The following DARS1 variants were observed in gnomAD, a reference collection of about 807,000 sequenced individuals.
DARS1 encodes aspartyl-tRNA synthetase 1.
DARS1 carries 51 observed loss-of-function variants against 68.8 expected under a neutral mutation model. The ratio of observed to expected loss-of-function variants is 0.74; its 90% confidence interval spans 0.59 to 0.94. DARS1 has a LOEUF of 0.94. Ranked by LOEUF, DARS1 falls within the 40% of genes least tolerant of loss-of-function variation. The pLI, the probability that DARS1 is intolerant of heterozygous loss-of-function variation, is 0.00. For missense variants in DARS1, 607 were observed against 597.3 expected (o/e 1.02, Z -0.17); for synonymous variants, 203 against 190.4 (o/e 1.07, Z -0.55).
In DARS1 at chr2:135,907,405, A is replaced by G. The variant is rs76296777; in HGVS notation, c.1417T>C (p.Leu473=). ...APPHAGGGIG[L]ERVTMLFLGL... ...AGAAACAGCATAGTAACTCGTTCCA[A>G]TCCTGGGGAAGACAAAAATAATCAT... The change falls in exon 16 of 16, where the codon TTG becomes CTG. Residue 473 remains leucine (L), a splice_region_variant and synonymous_variant. Coordinates refer to ENST00000264161, the MANE Select transcript of DARS1 (RefSeq NM_001349.4). 12,839 of 1,608,994 alleles carry G rather than the reference A, an allele frequency of 8.0e-3. 270 individuals are homozygous for G. Among genetic ancestry groups the G allele is most frequent in the African/African-American group, 0.067 (4,999 of 74,704 alleles).
rs869183598 is a variant in DARS1, at chr2:135,907,238, C to CTTTTTTTT, written c.*77_*78insAAAAAAAA. 3.2e-4 allele frequency: 231 copies of CTTTTTTTT among 725,284 alleles called. No homozygotes were observed. Among genetic ancestry groups the CTTTTTTTT allele is most frequent in the South Asian group, 1.6e-3 (76 of 47,046 alleles). 44.9% of individuals were successfully genotyped at this position (725,284 alleles called of 1,614,324 possible). On this transcript the variant is annotated 3_prime_UTR_variant, in exon 16 of 16. Coordinates refer to ENST00000264161, the MANE Select transcript of DARS1 (RefSeq NM_001349.4). Reference sequence around the variant, plus strand: ...AGGTTACTGAAAAGAATAAGTGTGGCTTTCTTTTTTTTTTTTTTTTTTTGA... The same window carrying CTTTTTTTT: ...AGGTTACTGAAAAGAATAAGTGTGGCTTTTTTTTTTTCTTTTTTTTTTTTTTTTTTTGA...
At position 135,911,368 on chromosome 2, in the gene DARS1, TTTAAG is replaced by T. The variant is rs749258701; in HGVS notation, c.1342+9_1342+13del. The T allele has an allele frequency of 2.9e-5, 26 of 889,318 alleles. No individual in the cohort carries two copies. Among genetic ancestry groups the T allele is most frequent in the Non-Finnish European group, 4.6e-5 (24 of 522,146 alleles). The allele number at this position is 889,318 out of a possible 1,614,324, so 55.1% of individuals were successfully genotyped here. Reference sequence around the variant, plus strand: ...CAGAATATACACTCCCCTAAATTATTTTAAGTTGTTTACCAATTCCATGATGTAAA... The same window carrying T: ...CAGAATATACACTCCCCTAAATTATTTTGTTTACCAATTCCATGATGTAAA... On this transcript the variant is annotated intron_variant, in intron 14 of 15. Transcript: ENST00000264161.
At chr2:135,983,168 A>G (rs190232489) in intron 2 of DARS1, among the ~76,000 whole-genome samples, 37 of 152,332 alleles carry the variant, frequency 2.4e-4, no homozygotes, top group African/African-American at 8.4e-4. Flanking sequence ...TTTAAAACAT[A>G]CCATTTAACC....
At chr2:135,971,816 AAG>A (rs1396367523) in intron 3 of DARS1, among the ~76,000 whole-genome samples, 1 of 152,142 alleles carries the variant, frequency 6.6e-6, no homozygotes, top group Non-Finnish European at 1.5e-5. Flanking sequence ...CAATGTGAAA[AAG>A]AAATAAAAAA....
chr2:135,967,367 G>A (rs1575404943), intron 3 of DARS1, among the ~76,000 whole-genome samples: 2 of 152,296 alleles, frequency 1.3e-5, no homozygotes, highest in East Asian at 3.9e-4. Flanking sequence ...GAATAGTGCT[G>A]AAATAATTAT....
intron 1 of DARS1, 123 bp from the exon 2 acceptor site, chr2:135,983,577 G>A (rs1481910947): frequency 1.9e-6 from 1 of 538,564 alleles, no homozygotes; most frequent in East Asian, 3.2e-5. Flanking sequence ...TATTAATTCA[G>A]AAAGTCAGTA....
chr2:135,952,845 A>G (rs954886495), intron 4 of DARS1, among the ~76,000 whole-genome samples: 2 of 152,210 alleles, frequency 1.3e-5, no homozygotes, highest in African/African-American at 4.8e-5. Context: ...GAGTGCAAAT[A>G]TGTATCTCTC....
chr2:135,927,231 T>C (rs1420271376), intron 7 of DARS1, among the ~76,000 whole-genome samples: 3 of 152,164 alleles, frequency 2.0e-5, no homozygotes, highest in Non-Finnish European at 4.4e-5. Context: ...ACAGAATGTA[T>C]ATAACAAAAG....
intron 5 of DARS1, among the ~76,000 whole-genome samples, chr2:135,942,198 T>C (rs533689344): frequency 2.0e-5 from 3 of 152,154 alleles, no homozygotes; most frequent in East Asian, 1.9e-4. Context: ...TAAAGACACA[T>C]GCACACGTAC....
chr2:135,969,303 A>G (rs1454820302), intron 3 of DARS1, among the ~76,000 whole-genome samples: 1 of 152,106 alleles, frequency 6.6e-6, no homozygotes. Context: ...AATAAAACAA[A>G]CTGTGTGTGT....
At chr2:135,957,074 T>A (rs2104830219) in intron 4 of DARS1, among the ~76,000 whole-genome samples, 1 of 152,130 alleles carries the variant, frequency 6.6e-6, no homozygotes. Context: ...CTGTGATAAC[T>A]TATTTTTTAA....
In DARS1 at chr2:135,922,799, A is replaced by G; in HGVS notation, c.796T>C (p.Phe266Leu). The G allele has an allele frequency of 1.3e-6, 2 of 1,569,316 alleles. No homozygotes were observed. The highest frequency in any genetic ancestry group is 8.6e-7 in the Non-Finnish European group (1 of 1,161,888). The change falls in exon 9 of 16, where the codon TTC becomes CTC. Residue 266 changes from phenylalanine to leucine, a missense_variant. Coordinates refer to ENST00000264161, the MANE Select transcript of DARS1 (RefSeq NM_001349.4). ...MCICADFEKVFSIGPVFRAED... is the reference protein window; with the variant it reads ...MCICADFEKVLSIGPVFRAED... ...AAAATCTTACCTGGTCCAATAGAGA[A>G]AACCTTCTCAAAATCAGCACAAATG... is the stretch of plus-strand genomic sequence containing the variant.
At chr2:135,958,323 C>T (rs769868935) in intron 4 of DARS1, among the ~76,000 whole-genome samples, 1 of 152,158 alleles carries the variant, frequency 6.6e-6, no homozygotes, top group Non-Finnish European at 1.5e-5. Context: ...TGATCTGCTG[C>T]CTAAACAAGT....
At chr2:135,922,295 A>G (rs1681122210) in intron 9 of DARS1, among the ~76,000 whole-genome samples, 1 of 152,208 alleles carries the variant, frequency 6.6e-6, no homozygotes, top group South Asian at 2.1e-4. Flanking sequence ...AAGAAATTAT[A>G]AAGGACAAAA....
At chr2:135,985,637 G>A, upstream of DARS1, 1 of 1,437,894 alleles carries the variant, frequency 7.0e-7, no homozygotes, top group Non-Finnish European at 9.2e-7. Flanking sequence ...CGCGAGAGCT[G>A]CGGCTATCTC....
intron 7 of DARS1, among the ~76,000 whole-genome samples, chr2:135,930,437 G>A (rs930292048): frequency 6.6e-6 from 1 of 152,120 alleles, no homozygotes; most frequent in Non-Finnish European, 1.5e-5. Context: ...TGGCAAAAAA[G>A]AGCTGATGAT....
intron 5 of DARS1, chr2:135,943,154 T>C (rs1363512493): frequency 6.1e-6 from 3 of 494,116 alleles, no homozygotes; most frequent in South Asian, 3.3e-5. Context: ...AGATGAGCCA[T>C]CTCAGTTGGG....
chr2:135,946,473 C>G (rs1279676331), intron 4 of DARS1, among the ~76,000 whole-genome samples: 1 of 152,046 alleles, frequency 6.6e-6, no homozygotes, highest in Non-Finnish European at 1.5e-5. Flanking sequence ...TCATTCTCAT[C>G]CTTTTAGATA....
chr2:135,982,059 G>A (rs1229027727), intron 2 of DARS1, among the ~76,000 whole-genome samples: 2 of 152,096 alleles, frequency 1.3e-5, no homozygotes, highest in Non-Finnish European at 2.9e-5. Context: ...AATATTCATA[G>A]GCAGCCCTCT....
Sources: gnomAD v4.1 joint callset for allele counts (sites outside exome capture counted in the v4.1 genomes callset) on GRCh38, gnomAD v4.1.1 for gene constraint, MANE v1.5 for transcripts, NCBI Gene and HGNC (gene_info 2026-07-23, HGNC 2026-07-21) for gene names.